The following REV3L variants were observed in gnomAD, a reference collection of about 807,000 sequenced individuals.
The protein encoded by REV3L is DNA polymerase zeta catalytic subunit.
In REV3L, 69 loss-of-function variants were observed where a neutral mutation model predicts 299.4. The observed-to-expected ratio is 0.23, with a 90% confidence interval of 0.19 to 0.28. The LOEUF (loss-of-function observed/expected upper bound fraction) is 0.28, where lower values mean the gene tolerates loss of function less well. REV3L is among the 10% of genes least tolerant of loss of function. The pLI is 1.00. For missense variants in REV3L, 3,128 were observed against 3,693.8 expected, an observed-to-expected ratio of 0.85 and a Z score of 3.97; for synonymous variants, 1,238 against 1,271.4, an observed-to-expected ratio of 0.97 and a Z score of 0.56.
chr6:111,349,369 C>T, intron 19 of REV3L, 33 bp from the exon 20 acceptor site: 1 of 1,016,642 alleles, frequency 9.8e-7, no homozygotes, highest in Non-Finnish European at 1.5e-6. Context: ...TATCAGGGCT[C>T]ACAGAAAACA....
intron 4 of REV3L, 98 bp from the exon 5 acceptor site, chr6:111,393,070 C>T (rs1451561517): frequency 9.9e-6 from 7 of 708,002 alleles, no homozygotes; most frequent in African/African-American, 3.6e-5. Context: ...TGGAGTCTCG[C>T]TTTGTTGCCC....
At chr6:111,322,159 C>T (rs1774258983) in intron 26 of REV3L, among the ~76,000 whole-genome samples, 1 of 152,170 alleles carries the variant, frequency 6.6e-6, no homozygotes, top group African/African-American at 2.4e-5. Context: ...GTAAGTTAAC[C>T]ATTCACAGTT....
intron 30 of REV3L, 120 bp from the exon 31 acceptor site, chr6:111,307,690 A>T: frequency 1.2e-6 from 1 of 862,814 alleles, no homozygotes; most frequent in Non-Finnish European, 1.8e-6. Flanking sequence ...CATTCAACAA[A>T]TGTTGAGTAG....
intron 1 of REV3L, among the ~76,000 whole-genome samples, chr6:111,441,709 T>C (rs1019712273): frequency 1.3e-5 from 2 of 152,214 alleles, no homozygotes; most frequent in Non-Finnish European, 2.9e-5. Flanking sequence ...GTTATAGGTG[T>C]TAGAGGCTAA....
Position 111,312,334 on chromosome 6 carries a change from T to C in REV3L, c.8604+1018A>G, listed in dbSNP as rs138847330. On this transcript the variant is annotated intron_variant, in intron 28 of 31. Coordinates refer to ENST00000368802, the MANE Select transcript of REV3L (RefSeq NM_001372078.1). ...TGATAATATTCAATCCACTATGCTT[T>C]TAATGCTCTCATCAAACAGTATATA... 33 of 152,334 alleles carry C rather than the reference T, an allele frequency of 2.2e-4. No individual in the cohort carries two copies. The East Asian group carries it at 5.4e-3, about 25-fold the overall frequency. The allele number at this position is 152,334 out of a possible 1,614,324, so 9.4% of individuals were successfully genotyped here. A position where few individuals can be genotyped will look rare whatever the true frequency, so the allele number is the denominator to read the frequency against.
rs770032100 is a variant in REV3L at position 111,329,750 on chromosome 6, A to G, written c.8035-12T>C. On this transcript the variant is annotated splice_polypyrimidine_tract_variant and intron_variant, in intron 24 of 31. Transcript: ENST00000368802. ...TTTCTTACTGAAGGCTATCATAAAG[A>G]AAAAAAATGTTTAAAACCCCTCAAA... 6.3e-7 allele frequency: 1 copy of G among 1,594,654 alleles called. No homozygotes were observed.
chr6:111,374,325 C>G lies in REV3L; in HGVS notation c.4030G>C (p.Ala1344Pro). 6.2e-7 allele frequency: 1 copy of G among 1,613,874 alleles called. No individual in the cohort carries two copies. The highest frequency in any genetic ancestry group is 8.5e-7 in the Non-Finnish European group (1 of 1,179,920). The change falls in exon 13 of 32, where the codon GCT (alanine) becomes CCT (proline). Residue 1344 changes from alanine (A) to proline (P), a missense_variant. By Grantham distance (27) the Ala-to-Pro change is conservative. Around this residue, in one of 9 missense-constraint regions of REV3L, gnomAD observed 2,409 missense variants for 2,611.8 expected, o/e 0.92. Coordinates refer to ENST00000368802, the MANE Select transcript of REV3L (RefSeq NM_001372078.1). Reference sequence around the variant, plus strand: ...GTTGATTCCTTTAGAGTAAACATAGCACTTTGATTATGAGGCCTTTGAACA... The same window carrying G: ...GTTGATTCCTTTAGAGTAAACATAGGACTTTGATTATGAGGCCTTTGAACA... ...INVQRPHNQS[A>P]MFTLKESTLI...
chr6:111,469,731 T>C (rs1791955488), intron 1 of REV3L, among the ~76,000 whole-genome samples: 1 of 152,164 alleles, frequency 6.6e-6, no homozygotes, highest in Non-Finnish European at 1.5e-5. Context: ...GACATAGCTA[T>C]CCTAGACCAA....
chr6:111,405,279 CA>C (rs954388632), intron 4 of REV3L, 190 bp downstream of exon 4: 354 of 413,676 alleles, frequency 8.6e-4, no homozygotes, highest in African/African-American at 5.1e-3. Context: ...AAGCTGTTAC[CA>C]AAAAAAATTT....
chr6:111,373,492 G>A lies in REV3L; in HGVS notation c.4863C>T (p.Pro1621=). The A allele has an allele frequency of 6.2e-7, 1 of 1,613,272 alleles. No individual in the cohort carries two copies. Residue 1621 remains proline (P), a synonymous_variant, in exon 13 of 32, where the codon CCC becomes CCT. Coordinates refer to ENST00000368802, the MANE Select transcript of REV3L (RefSeq NM_001372078.1). ...CAAAGCCTGGATCTGAAAAAAAGAT[G>A]GGACTATCATCTGATACAGAGTTAT... is the stretch of plus-strand genomic sequence containing the variant. The part of the protein sequence containing the change: ...QLDNSVSDDS[P]IFFSDPGFES...
chr6:111,399,927 C>T (rs1332456538), intron 4 of REV3L, among the ~76,000 whole-genome samples: 6 of 152,172 alleles, frequency 3.9e-5, no homozygotes, highest in Admixed American at 3.9e-4. Flanking sequence ...TCAATACTTC[C>T]CTCTCTCCTA....
chr6:111,375,625 A>C lies in REV3L; in HGVS notation c.2730T>G (p.Phe910Leu). 1 of 1,613,816 alleles carries C rather than the reference A, an allele frequency of 6.2e-7. No homozygotes were observed. The highest frequency in any genetic ancestry group is 8.5e-7 in the Non-Finnish European group (1 of 1,179,848). ...GDGTLETEQS[F>L]GLYGNKYTLR... ...GTGTGTATTTATTTCCATATAGTCC[A>C]AAGGACTGCTCAGTTTCTAACGTTC... The change falls in exon 13 of 32, where the codon TTT becomes TTG. Residue 910 changes from phenylalanine (F) to leucine (L), a missense_variant. Physicochemically the swap from Phe to Leu is conservative, Grantham distance 22. Coordinates refer to ENST00000368802, the MANE Select transcript of REV3L (RefSeq NM_001372078.1).
At position 111,299,373 on chromosome 6, in the gene REV3L, A is replaced by G. The variant is rs571814218; in HGVS notation, c.*643T>C. The G allele has an allele frequency of 6.6e-6, 1 of 150,828 alleles. No homozygotes were observed. The highest frequency in any genetic ancestry group is 6.7e-5 in the Admixed American group (1 of 14,904). 9.3% of individuals were successfully genotyped at this position (150,828 alleles called of 1,614,324 possible). On this transcript the variant is annotated 3_prime_UTR_variant, in exon 32 of 32. Coordinates refer to ENST00000368802, the MANE Select transcript of REV3L (RefSeq NM_001372078.1). ...TTTGCACAGTTCCTCACAATGCCCC[A>G]TTAATAGCTAAAGCAAGACAGCATT... is the stretch of plus-strand genomic sequence containing the variant.
At chr6:111,478,190 C>T (rs920513574) in intron 1 of REV3L, among the ~76,000 whole-genome samples, 1 of 152,164 alleles carries the variant, frequency 6.6e-6, no homozygotes, top group African/African-American at 2.4e-5. Context: ...CCCTGACTCC[C>T]CTTTTTGCCT....
chr6:111,317,388 G>A (rs575691715), intron 26 of REV3L, among the ~76,000 whole-genome samples: 1 of 152,234 alleles, frequency 6.6e-6, no homozygotes, highest in East Asian at 1.9e-4. Flanking sequence ...AAATGCCTTA[G>A]TTAATTAGAC....
At chr6:111,388,131 T>A in intron 7 of REV3L, 46 bp from the exon 8 acceptor site, 1 of 1,307,850 alleles carries the variant, frequency 7.6e-7, no homozygotes, top group Non-Finnish European at 1.1e-6. Flanking sequence ...AGCAAATGAA[T>A]GAAATATTTT....
rs377209993 is a variant in REV3L, at chr6:111,373,560, G to A, written c.4795C>T (p.Leu1599Phe). The A allele has an allele frequency of 1.2e-4, 187 of 1,613,840 alleles. No homozygotes were observed. Among genetic ancestry groups the A allele is most frequent in the Non-Finnish European group, 1.4e-4 (166 of 1,179,960 alleles). ...TGTAAATTTAAAGAGTCTACTTTGAGAAGTTTGGGGATTTTTTCTTTTTGT... is the reference window on the plus strand; with the variant it reads ...TGTAAATTTAAAGAGTCTACTTTGAAAAGTTTGGGGATTTTTTCTTTTTGT... ...TKQKEKIPKLLKVDSLNLQNS... is the reference protein window; with the variant it reads ...TKQKEKIPKLFKVDSLNLQNS... Residue 1599 changes from leucine (L) to phenylalanine (F), a missense_variant, in exon 13 of 32, where the codon CTC (leucine) becomes TTC (phenylalanine). Coordinates refer to ENST00000368802, the MANE Select transcript of REV3L (RefSeq NM_001372078.1).
intron 4 of REV3L, among the ~76,000 whole-genome samples, chr6:111,397,557 T>C (rs1037029794): frequency 6.6e-6 from 1 of 152,238 alleles, no homozygotes. Flanking sequence ...ATGTTCCACA[T>C]GCAGATGAGG....
At chr6:111,307,814 T>G in intron 30 of REV3L, 1 of 461,368 alleles carries the variant, frequency 2.2e-6, no homozygotes, top group Non-Finnish European at 3.9e-6. Flanking sequence ...TTTATTATTA[T>G]AATTTAAGTT....
Sources: gnomAD v4.1 joint callset for allele counts (sites outside exome capture counted in the v4.1 genomes callset) on GRCh38, gnomAD v4.1.1 for gene constraint, gnomAD v4.1.1 regional missense constraint, MANE v1.5 for transcripts, NCBI Gene and HGNC (gene_info 2026-07-23, HGNC 2026-07-21) for gene names.